TMEM63A: variants seen among roughly 807,000 people sequenced by gnomAD.
TMEM63A encodes the protein mechanosensitive cation channel TMEM63A.
A neutral mutation model predicts 100.6 loss-of-function variants in TMEM63A; 76 were observed. The observed-to-expected ratio is 0.76, with a 90% CI of 0.63 to 0.91. The LOEUF (loss-of-function observed/expected upper bound fraction) is 0.91, where lower values mean the gene tolerates loss of function less well. Ranked by LOEUF, TMEM63A falls within the 40% of genes least tolerant of loss-of-function variation. The pLI is 0.00. For missense variants in TMEM63A, 876 were observed against 1,008.8 expected (o/e 0.87, Z 1.78); for synonymous variants, 401 against 401.1 (o/e 1.00, Z 0.00).
chr1:225,840,772 T>C (rs1020523126), downstream of TMEM63A: 5 of 153,398 alleles, frequency 3.3e-5, no homozygotes, highest in African/African-American at 4.8e-5. Flanking sequence ...GAAGGTCTGC[T>C]AGGTAACTCC....
Position 225,845,547 on chromosome 1 carries a change from A to C in TMEM63A, c.*1392T>G. 1 of 618,374 alleles carries C rather than the reference A, an allele frequency of 1.6e-6. No homozygotes were observed. The allele number at this position is 618,374 out of a possible 1,614,324, so 38.3% of individuals were successfully genotyped here. On this transcript the variant is annotated 3_prime_UTR_variant, in exon 25 of 25. Transcript: ENST00000366835. ...GTAAGCAACATGGCTTTGATGATAAACGACTTTACTCTAAAAGCGGCTGGA... is the reference window on the plus strand; with the variant it reads ...GTAAGCAACATGGCTTTGATGATAACCGACTTTACTCTAAAAGCGGCTGGA...
downstream of TMEM63A, chr1:225,844,674 G>C: frequency 6.2e-7 from 1 of 1,609,882 alleles, no homozygotes; most frequent in Non-Finnish European, 8.5e-7. Context: ...GAGGCAGGGG[G>C]ACGGCCAGTC....
At chr1:225,859,456 C>G in intron 14 of TMEM63A, 107 bp from the exon 15 acceptor site, 5 of 1,395,728 alleles carry the variant, frequency 3.6e-6, no homozygotes, top group Non-Finnish European at 4.9e-6. Flanking sequence ...AGCCTGGGGG[C>G]AAGTTCTCTG....
intron 4 of TMEM63A, 81 bp downstream of exon 4, chr1:225,874,206 AC>A: frequency 3.8e-6 from 5 of 1,312,354 alleles, no homozygotes; most frequent in Non-Finnish European, 5.4e-6. Context: ...ATATGCACAC[AC>A]GCACATATAC....
intron 5 of TMEM63A, 125 bp downstream of exon 5, chr1:225,871,861 TC>T: frequency 1.4e-6 from 1 of 691,628 alleles, no homozygotes; most frequent in Non-Finnish European, 2.5e-6. Flanking sequence ...TCAGGTGCCT[TC>T]GTCGATGCAG....
intron 2 of TMEM63A, 53 bp from the exon 3 acceptor site, chr1:225,877,647 C>A: frequency 6.6e-7 from 1 of 1,521,674 alleles, no homozygotes; most frequent in Non-Finnish European, 8.8e-7. Context: ...AAATTTCTTG[C>A]AGGTTCCCAC....
At chr1:225,847,688 CTG>C (rs1452461891) in intron 23 of TMEM63A, among the ~76,000 whole-genome samples, 1 of 152,198 alleles carries the variant, frequency 6.6e-6, no homozygotes, top group African/African-American at 2.4e-5. Flanking sequence ...GAGACCCTGG[CTG>C]TGAGGGCTTG....
Position 225,862,657 on chromosome 1 carries a change from T to C in TMEM63A, c.828-79A>G. ...GACCCCCATACCCACAGTTCAACCA[T>C]CGAACGCCAGGGGAGAAGGAGGGGT... On this transcript the variant is annotated intron_variant, in intron 11 of 24. Coordinates refer to ENST00000366835, the MANE Select transcript of TMEM63A (RefSeq NM_014698.3). This position sits in a 1 kb window ranked among gnomAD's most constrained non-coding sequence, Gnocchi z 5.1. 1 of 1,601,866 alleles carries C rather than the reference T, an allele frequency of 6.2e-7. No individual in the cohort carries two copies. Among genetic ancestry groups the C allele is most frequent in the Non-Finnish European group, 8.5e-7 (1 of 1,172,348 alleles).
At chr1:225,871,280 C>T (rs1199814395) in intron 5 of TMEM63A, among the ~76,000 whole-genome samples, 167 bp from the exon 6 acceptor site, 7 of 152,178 alleles carry the variant, frequency 4.6e-5, no homozygotes, top group Admixed American at 4.6e-4. Flanking sequence ...CAATATACAC[C>T]ACATGCCTGG....
rs1278427752 is a variant in TMEM63A at position 225,846,767 on chromosome 1, G to A, written c.*172C>T. On this transcript the variant is annotated 3_prime_UTR_variant, in exon 25 of 25. Coordinates refer to ENST00000366835, the MANE Select transcript of TMEM63A (RefSeq NM_014698.3). Reference sequence around the variant, plus strand: ...GGAAGCTTGTGCCGGAGGGGAAACTGGGTGAGCAAGGGAGGGGCGAGGCCT... The same window carrying A: ...GGAAGCTTGTGCCGGAGGGGAAACTAGGTGAGCAAGGGAGGGGCGAGGCCT... 1 of 357,074 alleles carries A rather than the reference G, an allele frequency of 2.8e-6. No individual in the cohort carries two copies. The highest frequency in any genetic ancestry group is 2.1e-5 in the African/African-American group (1 of 47,904). 22.1% of individuals were successfully genotyped at this position (357,074 alleles called of 1,614,324 possible). A position where few individuals can be genotyped will look rare whatever the true frequency, so the allele number is the denominator to read the frequency against.
At chr1:225,869,864 T>C (rs1458839378) in intron 6 of TMEM63A, among the ~76,000 whole-genome samples, 1 of 151,638 alleles carries the variant, frequency 6.6e-6, no homozygotes, top group Non-Finnish European at 1.5e-5. Context: ...AGTTTCACCA[T>C]GTTGGCCAGG....
intron 24 of TMEM63A, 42 bp downstream of exon 24, chr1:225,846,992 A>G: frequency 6.4e-7 from 1 of 1,557,644 alleles, no homozygotes; most frequent in Non-Finnish European, 8.7e-7. Flanking sequence ...CTGTCTTCTC[A>G]CCCCACAGGC....
In TMEM63A at chr1:225,856,507, C is replaced by A. The variant is rs989149822; in HGVS notation, c.1571+145G>T. The A allele has an allele frequency of 9.9e-6, 7 of 706,326 alleles. No homozygotes were observed. The African/African-American group carries it at 1.3e-4, about 13-fold the overall frequency. The allele number at this position is 706,326 out of a possible 1,614,324, so 43.8% of individuals were successfully genotyped here. A position where few individuals can be genotyped will look rare whatever the true frequency, so the allele number is the denominator to read the frequency against. On this transcript the variant is annotated intron_variant, in intron 17 of 24. Coordinates refer to ENST00000366835, the MANE Select transcript of TMEM63A (RefSeq NM_014698.3). ...TTGCCAGAAGAATCAATGACCCAGC[C>A]CTACTGCACGCCGAGTGGTTGCGAC...
intron 20 of TMEM63A, among the ~76,000 whole-genome samples, chr1:225,850,374 G>A (rs556044611): frequency 3.3e-5 from 5 of 152,174 alleles, no homozygotes; most frequent in South Asian, 2.1e-4. Flanking sequence ...TTGGAAAGCC[G>A]AGAGGTTTGC....
chr1:225,860,664 A>G, intron 14 of TMEM63A, 196 bp downstream of exon 14: 1 of 461,466 alleles, frequency 2.2e-6, no homozygotes, highest in East Asian at 3.6e-5. Flanking sequence ...AATGCTAGGG[A>G]GGAACACTGG....
chr1:225,848,160 G>T, intron 23 of TMEM63A: 1 of 300,448 alleles, frequency 3.3e-6, no homozygotes, highest in Non-Finnish European at 6.1e-6. Context: ...ACAAACCTTT[G>T]TCAAACCCTA....
chr1:225,848,633 T>C (rs1443290518), intron 22 of TMEM63A, 79 bp from the exon 23 acceptor site: 1 of 1,461,288 alleles, frequency 6.8e-7, no homozygotes, highest in African/African-American at 1.4e-5. Flanking sequence ...ACACAGACTA[T>C]TAACACCCGG....
At chr1:225,847,863 C>T (rs1669097544) in intron 23 of TMEM63A, among the ~76,000 whole-genome samples, 1 of 152,192 alleles carries the variant, frequency 6.6e-6, no homozygotes, top group Non-Finnish European at 1.5e-5. Context: ...AGAAAGAACC[C>T]TGCAGATGAG....
rs1469644977 is a variant in TMEM63A at position 225,858,967 on chromosome 1, TG to T, written c.1377+228del. ...CATATAATGTGTGTGTGTGTGTGTGTGTGTGTGTGTGTGTGTGTGTGTGTGT... is the reference window on the plus strand; with the variant it reads ...CATATAATGTGTGTGTGTGTGTGTGTTGTGTGTGTGTGTGTGTGTGTGTGT... On this transcript the variant is annotated intron_variant, in intron 15 of 24. Transcript: ENST00000366835. Among the ~76,000 whole-genome samples the T allele has an allele frequency of 8.0e-5, 12 of 150,288 alleles. No individual in the cohort carries two copies. In the East Asian group the frequency reaches 2.0e-3, roughly 24 times the overall value.
Sources: gnomAD v4.1 joint callset for allele counts (sites outside exome capture counted in the v4.1 genomes callset) on GRCh38, gnomAD v4.1.1 for gene constraint, Gnocchi (gnomAD v3.1) non-coding constraint, MANE v1.5 for transcripts, NCBI Gene and HGNC (gene_info 2026-07-23, HGNC 2026-07-21) for gene names.